Variants in SH2D4B observed in about 807,000 individuals in gnomAD.
SH2D4B encodes the protein SH2 domain containing 4B.
In SH2D4B, 45 loss-of-function variants were observed where a neutral mutation model predicts 61.5. The ratio of observed to expected loss-of-function variants is 0.73; its 90% CI spans 0.58 to 0.94. SH2D4B has a LOEUF of 0.94. Among genes scored for constraint, SH2D4B ranks in the 40% least tolerant of loss-of-function variants. The pLI, the probability that SH2D4B is intolerant of heterozygous loss-of-function variation, is 0.00. For synonymous variants in SH2D4B, 224 were observed against 220.4 expected, an observed-to-expected ratio of 1.02 and a Z score of -0.14; for missense variants, 572 against 574.2, an observed-to-expected ratio of 1.00 and a Z score of 0.04.
intron 6 of SH2D4B, among the ~76,000 whole-genome samples, chr10:80,629,478 T>C (rs1291977486): frequency 3.3e-5 from 5 of 152,150 alleles, no homozygotes; most frequent in African/African-American, 1.2e-4. Context: ...CACAGAGACC[T>C]AGACAGTCTC....
intron 2 of SH2D4B, 87 bp from the exon 3 acceptor site, chr10:80,571,344 T>A (rs1842039581): frequency 6.9e-7 from 1 of 1,457,946 alleles, no homozygotes; most frequent in South Asian, 1.4e-5. Flanking sequence ...CAAGGAAAAA[T>A]TGCTCATTGT....
intron 3 of SH2D4B, among the ~76,000 whole-genome samples, chr10:80,588,107 G>A (rs984490379): frequency 6.6e-6 from 1 of 152,176 alleles, no homozygotes; most frequent in African/African-American, 2.4e-5. Flanking sequence ...TAGATGATGA[G>A]TATTGCCAAG....
intron 6 of SH2D4B, among the ~76,000 whole-genome samples, chr10:80,630,908 C>T (rs531043407): frequency 6.6e-6 from 1 of 152,190 alleles, no homozygotes; most frequent in Admixed American, 6.6e-5. Flanking sequence ...GTGCCTGAGC[C>T]TGGGCTCTGC....
At chr10:80,546,239 G>A (rs1841678764) in intron 1 of SH2D4B, among the ~76,000 whole-genome samples, 1 of 151,520 alleles carries the variant, frequency 6.6e-6, no homozygotes, top group Non-Finnish European at 1.5e-5. Flanking sequence ...GTAGAGACAG[G>A]GTCTCAGCAT....
At chr10:80,631,348 A>G (rs1462288598) in intron 6 of SH2D4B, among the ~76,000 whole-genome samples, 1 of 152,216 alleles carries the variant, frequency 6.6e-6, no homozygotes, top group Non-Finnish European at 1.5e-5. Context: ...TCCTGGGCTC[A>G]TGTGATTCTC....
chr10:80,640,874 T>A (rs1564532861), intron 7 of SH2D4B, among the ~76,000 whole-genome samples: 1 of 152,248 alleles, frequency 6.6e-6, no homozygotes, highest in Non-Finnish European at 1.5e-5. Flanking sequence ...AGAGGCGCTC[T>A]GGTTTTTAGA....
intron 4 of SH2D4B, among the ~76,000 whole-genome samples, chr10:80,599,199 C>T (rs916674776): frequency 6.6e-6 from 1 of 151,942 alleles, no homozygotes; most frequent in Non-Finnish European, 1.5e-5. Flanking sequence ...CAGGTAGAGC[C>T]GGAAGGGGCT....
intron 1 of SH2D4B, among the ~76,000 whole-genome samples, chr10:80,554,236 G>A (rs1406718360): frequency 2.0e-5 from 3 of 152,190 alleles, no homozygotes; most frequent in African/African-American, 7.2e-5. Flanking sequence ...CTCTGAGAGG[G>A]GCCGTATCCT....
intron 6 of SH2D4B, among the ~76,000 whole-genome samples, chr10:80,627,939 C>T (rs1842781995): frequency 1.3e-5 from 2 of 152,122 alleles, no homozygotes; most frequent in Non-Finnish European, 2.9e-5. Context: ...AAATTGTCAC[C>T]CTGGAGCGTT....
rs1453145700 is a variant in SH2D4B at position 80,573,233 on chromosome 10, A to G, written c.495+1655A>G. 3.6e-5 allele frequency among the ~76,000 whole-genome samples: 5 copies of G among 139,618 alleles called. No individual in the cohort carries two copies. In the East Asian group the frequency reaches 6.8e-4, roughly 19 times the overall value. 91.6% of individuals were successfully genotyped at this position (139,618 alleles called of 152,430 possible). On this transcript the variant is annotated intron_variant, in intron 3 of 7. Transcript: ENST00000646907. ...GATCTCCTGACCTCGTGATCCGCCCACCTCGGCCTCCCAAAGTGCTGGGAT... is the reference window on the plus strand; with the variant it reads ...GATCTCCTGACCTCGTGATCCGCCCGCCTCGGCCTCCCAAAGTGCTGGGAT...
Position 80,538,512 on chromosome 10 carries a change from C to T in SH2D4B, c.181C>T (p.Arg61Ter), listed in dbSNP as rs920828247. The change falls in exon 1 of 8, where the codon CGA (arginine) becomes TGA (stop). Residue 61 changes from arginine to a stop codon, truncating the protein, a stop_gained. Transcript: ENST00000646907. LOFTEE classifies it high-confidence loss of function. This position sits in a 1 kb window ranked among gnomAD's most constrained non-coding sequence, Gnocchi z 4.8. The part of the protein sequence containing the change: ...DEGLRPPKTK[R>*]AASDKHIQWL... ...GGGTCTCAGGCCTCCAAAGACCAAGCGAGGTACGTGGCTGGGAGTCACAGA... is the reference window on the plus strand; with the variant it reads ...GGGTCTCAGGCCTCCAAAGACCAAGTGAGGTACGTGGCTGGGAGTCACAGA... 15 of 1,389,484 alleles carry T rather than the reference C, an allele frequency of 1.1e-5. No homozygotes were observed. The highest frequency in any genetic ancestry group is 5.3e-5 in the South Asian group (3 of 57,078). The allele number at this position is 1,389,484 out of a possible 1,614,324, so 86.1% of individuals were successfully genotyped here.
intron 4 of SH2D4B, among the ~76,000 whole-genome samples, chr10:80,601,595 C>T (rs1455008285): frequency 5.3e-5 from 8 of 152,208 alleles, no homozygotes; most frequent in Admixed American, 2.0e-4. Flanking sequence ...CACCTGCCCT[C>T]GTGGAGTTCA....
At chr10:80,598,626 T>G (rs1842412283) in intron 4 of SH2D4B, among the ~76,000 whole-genome samples, 1 of 152,130 alleles carries the variant, frequency 6.6e-6, no homozygotes, top group Non-Finnish European at 1.5e-5. Context: ...ACACCCAAAT[T>G]AAATTTTCCA....
At position 80,571,566 on chromosome 10, in the gene SH2D4B, C is replaced by T. The variant is rs1353105917; in HGVS notation, c.483C>T (p.His161=). Residue 161 remains histidine, a synonymous_variant, in exon 3 of 8, where the codon CAC becomes CAT. Transcript: ENST00000646907. The part of the protein sequence containing the change: ...KAAKVLEERI[H]EEFKRKEEEE... ...CCAAAGTCCTGGAGGAACGCATCCA[C>T]GAGGAATTCAAGGTGGGCCAGCGCA... The T allele has an allele frequency of 5.6e-6, 9 of 1,613,666 alleles. No individual in the cohort carries two copies. The highest frequency in any genetic ancestry group is 4.0e-5 in the African/African-American group (3 of 74,878).
rs188829675 is a variant in SH2D4B, at chr10:80,555,831, T to G, written c.185-14323T>G. On this transcript the variant is annotated intron_variant, in intron 1 of 7. Transcript: ENST00000646907. The stretch of plus-strand genomic sequence containing the variant: ...CACGTGAAAGCTTCAGAAGAAAATG[T>G]GGGTTTAAGAACAGGTGGGTTTAAG... Among the ~76,000 whole-genome samples the G allele has an allele frequency of 7.9e-4, 120 of 152,240 alleles. 1 individual carries two copies. Among genetic ancestry groups the G allele is most frequent in the African/African-American group, 2.8e-3 (117 of 41,552 alleles).
intron 6 of SH2D4B, among the ~76,000 whole-genome samples, chr10:80,630,547 C>T (rs1842819449): frequency 6.6e-6 from 1 of 152,080 alleles, no homozygotes; most frequent in African/African-American, 2.4e-5. Flanking sequence ...ACTGGGGGAC[C>T]TGAGGGGTGG....
At chr10:80,636,841 T>C (rs1658153094) in intron 7 of SH2D4B, among the ~76,000 whole-genome samples, 1 of 152,328 alleles carries the variant, frequency 6.6e-6, no homozygotes, top group African/African-American at 2.4e-5. Context: ...GCTTTTGTTG[T>C]TTTAGTCATG....
At position 80,646,549 on chromosome 10, in the gene SH2D4B, G is replaced by A. The variant is rs979171110; in HGVS notation, c.*2464G>A. 1.3e-5 allele frequency: 2 copies of A among 151,992 alleles called. No individual in the cohort carries two copies. The highest frequency in any genetic ancestry group is 2.9e-5 in the Non-Finnish European group (2 of 68,014). 9.4% of individuals were successfully genotyped at this position (151,992 alleles called of 1,614,324 possible). On this transcript the variant is annotated 3_prime_UTR_variant, in exon 8 of 8. Transcript: ENST00000646907. Reference sequence around the variant, plus strand: ...AGTTTTATTATGCTAATAAATGTCAGGATTCTCATATAAAGGAGTTGCCTT... The same window carrying A: ...AGTTTTATTATGCTAATAAATGTCAAGATTCTCATATAAAGGAGTTGCCTT...
intron 1 of SH2D4B, among the ~76,000 whole-genome samples, chr10:80,567,304 C>A (rs923570074): frequency 6.6e-6 from 1 of 152,204 alleles, no homozygotes; most frequent in African/African-American, 2.4e-5. Context: ...TGTAGTCAGT[C>A]ATCTGTGGGC....
Sources: allele counts gnomAD v4.1 joint callset (sites outside exome capture counted in the v4.1 genomes callset), GRCh38; gene constraint gnomAD v4.1.1; non-coding constraint Gnocchi (gnomAD v3.1); transcripts MANE v1.5; gene names NCBI Gene and HGNC (gene_info 2026-07-23, HGNC 2026-07-21).